The following LDLRAP1 variants were observed in gnomAD, a reference collection of about 807,000 sequenced individuals.
The protein encoded by LDLRAP1 is low density lipoprotein receptor adaptor protein 1.
In LDLRAP1, 30 loss-of-function variants were observed where a neutral mutation model predicts 37.8. The ratio of observed to expected loss-of-function variants is 0.79; its 90% CI spans 0.59 to 1.08. LDLRAP1 has a LOEUF of 1.08. LDLRAP1 is among the 50% of genes least tolerant of loss of function. LDLRAP1 has a pLI of 0.00. For synonymous variants in LDLRAP1, 156 were observed against 169.8 expected (o/e 0.92, Z 0.63); for missense variants, 375 against 401.6 (o/e 0.93, Z 0.57).
chr1:25,586,825 T>A, the LDLRAP1 span, among the ~76,000 whole-genome samples: 47 of 152,250 alleles, frequency 3.1e-4, no homozygotes, highest in Non-Finnish European at 6.0e-4. This position sits in a 1 kb window ranked among gnomAD's most constrained non-coding sequence, Gnocchi z 4.3. Flanking sequence ...GATTCACATC[T>A]CTGAGCCCCA....
Position 25,567,559 on chromosome 1 carries a change from G to C in LDLRAP1, c.*567G>C, listed in dbSNP as rs915290354. The C allele has an allele frequency of 9.7e-6, 2 of 206,300 alleles. No homozygotes were observed. The highest frequency in any genetic ancestry group is 5.4e-5 in the Admixed American group (1 of 18,668). 12.8% of individuals were successfully genotyped at this position (206,300 alleles called of 1,614,324 possible). ...TTGAGCCCTGGACCCCAGGCTCTTA[G>C]AGACTAAGGGGCAGCTCCTGACCAA... is the stretch of plus-strand genomic sequence containing the variant. On this transcript the variant is annotated 3_prime_UTR_variant, in exon 9 of 9. Transcript: ENST00000374338.
chr1:25,573,370 G>C (rs2044630916), downstream of LDLRAP1, among the ~76,000 whole-genome samples: 1 of 152,230 alleles, frequency 6.6e-6, no homozygotes, highest in Admixed American at 6.5e-5. Flanking sequence ...AGCCCTGGCA[G>C]GGCGAGGGTG....
rs530814584 is a variant in LDLRAP1, at chr1:25,566,100, T to C, written c.783-748T>C. On this transcript the variant is annotated intron_variant, in intron 8 of 8. Coordinates refer to ENST00000374338, the MANE Select transcript of LDLRAP1 (RefSeq NM_015627.3). ...TGAAGAAAATCTTTTGTTTGCTTTC[T>C]CCACATTATTTTGAGCATCATGTGC... is the stretch of plus-strand genomic sequence containing the variant. 2.0e-5 allele frequency among the ~76,000 whole-genome samples: 3 copies of C among 152,340 alleles called. No homozygotes were observed. The East Asian group carries it at 5.8e-4, about 29-fold the overall frequency.
At chr1:25,578,004 G>A in the LDLRAP1 span, among the ~76,000 whole-genome samples, 2 of 152,348 alleles carry the variant, frequency 1.3e-5, no homozygotes, top group East Asian at 1.9e-4. Context: ...GGCTGGGGAC[G>A]TAGCTCTGTC....
At chr1:25,550,521 A>G (rs1003815421) in intron 1 of LDLRAP1, among the ~76,000 whole-genome samples, 2 of 152,212 alleles carry the variant, frequency 1.3e-5, no homozygotes, top group African/African-American at 4.8e-5. Context: ...ATTATTAGGA[A>G]GAAGCTCTGC....
chr1:25,556,354 C>T (rs868401507), intron 3 of LDLRAP1, among the ~76,000 whole-genome samples: 6 of 152,104 alleles, frequency 3.9e-5, no homozygotes, highest in African/African-American at 4.8e-5. Context: ...GTTACAGGTG[C>T]GACTGGGGGC....
chr1:25,556,558 A>AG (rs911119337), intron 3 of LDLRAP1, among the ~76,000 whole-genome samples: 14 of 152,138 alleles, frequency 9.2e-5, no homozygotes, highest in African/African-American at 3.1e-4. Context: ...ACCTCTGGGC[A>AG]GGGGCATGGA....
chr1:25,543,761 C>A lies in LDLRAP1; in HGVS notation c.63C>A (p.Ser21Arg). 1 of 1,210,430 alleles carries A rather than the reference C, an allele frequency of 8.3e-7. No homozygotes were observed. The highest frequency in any genetic ancestry group is 1.6e-5 in the African/African-American group (1 of 63,556). 75.0% of individuals were successfully genotyped at this position (1,210,430 alleles called of 1,614,324 possible). A position where few individuals can be genotyped will look rare whatever the true frequency, so the allele number is the denominator to read the frequency against. ...LIRSPSLAKQ[S>R]WGGGGRHRKL... ...GGAGCCCCAGCTTGGCCAAGCAGAGCTGGGGGGGCGGTGGCCGGCACCGCA... is the reference window on the plus strand; with the variant it reads ...GGAGCCCCAGCTTGGCCAAGCAGAGATGGGGGGGCGGTGGCCGGCACCGCA... The change falls in exon 1 of 9, where the codon AGC becomes AGA. Residue 21 changes from serine to arginine, a missense_variant. By Grantham distance (110) the Ser-to-Arg change is moderately radical. Coordinates refer to ENST00000374338, the MANE Select transcript of LDLRAP1 (RefSeq NM_015627.3).
intron 1 of LDLRAP1, among the ~76,000 whole-genome samples, chr1:25,548,635 T>C (rs35150265): frequency 0.21 from 31,982 of 151,816 alleles, 8,156 homozygotes; most frequent in African/African-American, 0.61. Context: ...AGACATGAGC[T>C]ACCACGCCTG....
the LDLRAP1 span, among the ~76,000 whole-genome samples, chr1:25,575,492 G>A: frequency 1.3e-5 from 2 of 149,922 alleles, no homozygotes; most frequent in African/African-American, 4.9e-5. Context: ...CTACTCAGGA[G>A]ACTGAGGTGG....
rs2044224842 is a variant in LDLRAP1 at position 25,557,238 on chromosome 1, C to T, written c.430C>T (p.His144Tyr). ...CCAGCACAACCAGAGCCTCGAGTGC[C>T]ACGCCTTCCTCTGCACCAAGCGGAA... Reference protein sequence around the residue: ...QSQHNQSLECHAFLCTKRKMA... With the variant: ...QSQHNQSLECYAFLCTKRKMA... The change falls in exon 4 of 9, where the codon CAC becomes TAC. Residue 144 changes from histidine to tyrosine, a missense_variant. His to Tyr is a moderately conservative substitution (Grantham distance 83, BLOSUM62 2). Transcript: ENST00000374338. 6.2e-7 allele frequency: 1 copy of T among 1,614,082 alleles called. No homozygotes were observed. The highest frequency in any genetic ancestry group is 8.5e-7 in the Non-Finnish European group (1 of 1,179,948).
chr1:25,571,401 A>G (rs2044603299), downstream of LDLRAP1, among the ~76,000 whole-genome samples: 1 of 152,196 alleles, frequency 6.6e-6, no homozygotes, highest in African/African-American at 2.4e-5. Context: ...GCCCACAGTG[A>G]GCATTGGTGC....
chr1:25,551,491 G>C (rs1456863179), intron 1 of LDLRAP1, among the ~76,000 whole-genome samples: 1 of 152,210 alleles, frequency 6.6e-6, no homozygotes, highest in Admixed American at 6.5e-5. Context: ...GTGAGTGTTA[G>C]AGGTGATGGT....
intron 1 of LDLRAP1, among the ~76,000 whole-genome samples, chr1:25,545,139 A>G (rs77281414): frequency 0.074 from 11,295 of 152,276 alleles, 777 homozygotes; most frequent in African/African-American, 0.18. Context: ...TAGACCCTTT[A>G]AAAACTGGCA....
the LDLRAP1 span, among the ~76,000 whole-genome samples, chr1:25,589,340 G>GAAAGAAAGAAAGAAAGAAAGAAAAAGAAA: frequency 6.6e-6 from 1 of 151,984 alleles, no homozygotes; most frequent in African/African-American, 2.4e-5. Context: ...AATATATCAA[G>GAAAGAAAGAAAGAAAGAAAGAAAAAGAAA]GGCTGGGGGT....
intron 1 of LDLRAP1, among the ~76,000 whole-genome samples, chr1:25,550,977 C>A (rs2044058225): frequency 6.6e-6 from 1 of 151,868 alleles, no homozygotes; most frequent in African/African-American, 2.4e-5. Context: ...AAGGGCTGAA[C>A]CAGAGGAAAT....
the LDLRAP1 span, among the ~76,000 whole-genome samples, chr1:25,589,252 C>T: frequency 6.7e-6 from 1 of 149,058 alleles, no homozygotes. Flanking sequence ...TGCAGTGGGC[C>T]GAGATCACAC....
chr1:25,553,935 C>A lies in LDLRAP1; in HGVS notation c.102C>A (p.Asn34Lys), dbSNP rs572168391. 3.1e-6 allele frequency: 5 copies of A among 1,613,926 alleles called. No individual in the cohort carries two copies. In the African/African-American group the frequency reaches 6.7e-5, roughly 22 times the overall value. The change falls in exon 2 of 9, where the codon AAC becomes AAA. Residue 34 changes from asparagine to lysine, a missense_variant. Asn to Lys is a moderately conservative substitution (Grantham distance 94). Transcript: ENST00000374338. Reference protein sequence around the residue: ...GGGRHRKLPENWTDTRETLLE... With the variant: ...GGGRHRKLPEKWTDTRETLLE... The stretch of plus-strand genomic sequence containing the variant: ...GTGCTACCCCAGAGCTGCCTGAGAA[C>A]TGGACAGACACGCGGGAGACGCTGC...
At chr1:25,574,610 C>G in the LDLRAP1 span, among the ~76,000 whole-genome samples, 1 of 152,084 alleles carries the variant, frequency 6.6e-6, no homozygotes, top group East Asian at 1.9e-4. Context: ...TAGCCTGAGT[C>G]AGAGATTGGT....
Sources: gnomAD v4.1 joint callset for allele counts (sites outside exome capture counted in the v4.1 genomes callset) on GRCh38, gnomAD v4.1.1 for gene constraint, Gnocchi (gnomAD v3.1) non-coding constraint, MANE v1.5 for transcripts, NCBI Gene and HGNC (gene_info 2026-07-23, HGNC 2026-07-21) for gene names.